The following CHM variants were observed in gnomAD, a reference collection of about 807,000 sequenced individuals.
CHM encodes the protein rab proteins geranylgeranyltransferase component A 1.
In CHM, 10 loss-of-function variants were observed where a neutral mutation model predicts 49.0. That is an observed-to-expected ratio of 0.20 (90% CI 0.13 to 0.35). CHM has a LOEUF of 0.35. Ranked by LOEUF, CHM falls within the 10% of genes least tolerant of loss-of-function variation. The probability of loss-of-function intolerance (pLI) is 1.00; values close to 1 mark genes in which losing one functional copy is unlikely to be tolerated. For missense variants in CHM, 455 were observed against 478.4 expected (o/e 0.95, Z 0.46); for synonymous variants, 184 against 167.5 (o/e 1.10, Z -0.76).
intron 8 of CHM, among the ~76,000 whole-genome samples, chrX:85,927,091 G>A (rs1331130234): frequency 9.0e-6 from 1 of 111,671 alleles, no homozygotes; most frequent in Non-Finnish European, 1.9e-5. Context: ...TTCCTCACTT[G>A]TAAGCATGGT....
chrX:85,940,008 T>A (rs1009371964), intron 8 of CHM, among the ~76,000 whole-genome samples: 1 of 111,213 alleles, frequency 9.0e-6, no homozygotes, highest in South Asian at 3.8e-4. Context: ...TATGAAGGAG[T>A]TTTAACTGTC....
At chrX:86,032,033 C>T (rs1934065467) in intron 1 of CHM, among the ~76,000 whole-genome samples, 1 of 111,847 alleles carries the variant, frequency 8.9e-6, no homozygotes, top group African/African-American at 3.2e-5. Flanking sequence ...TATTTCTAAG[C>T]TCAATTTTAA....
chrX:85,899,679 C>CT (rs1569404779), intron 11 of CHM, among the ~76,000 whole-genome samples: 1 of 56,254 alleles, frequency 1.8e-5, no homozygotes, highest in Non-Finnish European at 3.0e-5. Flanking sequence ...GCTCTAAACC[C>CT]ACCCCCCGCC....
chrX:85,923,380 T>C (rs913438538), intron 8 of CHM, among the ~76,000 whole-genome samples: 14 of 111,538 alleles, frequency 1.3e-4, no homozygotes, highest in African/African-American at 4.2e-4. Flanking sequence ...CAATGTGGGG[T>C]TTGTAGGCTA....
At chrX:85,890,430 T>C (rs1342681812) in intron 12 of CHM, among the ~76,000 whole-genome samples, 1 of 111,911 alleles carries the variant, frequency 8.9e-6, no homozygotes, top group Admixed American at 9.4e-5. Context: ...ACTTGAATTG[T>C]ATCTCCCAGA....
intron 11 of CHM, among the ~76,000 whole-genome samples, chrX:85,894,736 A>G (rs1925708406): frequency 8.9e-6 from 1 of 111,881 alleles, no homozygotes; most frequent in African/African-American, 3.2e-5. Context: ...GGTTTCAAGC[A>G]TTTCAGATAA....
chrX:85,965,246 A>G (rs747111946), intron 4 of CHM, among the ~76,000 whole-genome samples: 75 of 112,201 alleles, frequency 6.7e-4, no homozygotes, highest in African/African-American at 2.3e-3. Flanking sequence ...ATAATCACAT[A>G]CTTTAGCAAA....
At chrX:86,002,956 T>G (rs1932774340) in intron 2 of CHM, among the ~76,000 whole-genome samples, 1 of 112,236 alleles carries the variant, frequency 8.9e-6, no homozygotes, top group South Asian at 3.7e-4. Context: ...GACCCCCGTG[T>G]AGCCTAACTG....
intron 2 of CHM, among the ~76,000 whole-genome samples, chrX:85,998,672 T>C (rs1287632468): frequency 9.0e-6 from 1 of 111,569 alleles, no homozygotes; most frequent in African/African-American, 3.3e-5. Flanking sequence ...CTGGAAGCTG[T>C]GACTGGCTGT....
chrX:86,001,886 A>G (rs1055561876), intron 2 of CHM, among the ~76,000 whole-genome samples: 5 of 111,173 alleles, frequency 4.5e-5, no homozygotes, highest in Non-Finnish European at 9.4e-5. Context: ...CAACAAGTAC[A>G]TCTTCTGTAA....
chrX:85,911,506 T>C (rs1304186983), intron 8 of CHM, among the ~76,000 whole-genome samples, 168 bp from the exon 9 acceptor site: 2 of 108,188 alleles, frequency 1.8e-5, no homozygotes, highest in African/African-American at 3.4e-5. Context: ...GAGGCAAGAT[T>C]AGTAATATCT....
chrX:85,978,595 T>C (rs1469785319), intron 4 of CHM, 172 bp downstream of exon 4: 4 of 378,969 alleles, frequency 1.1e-5, no homozygotes, highest in South Asian at 6.9e-5. Context: ...TAAAATGTTA[T>C]CATTATTACC....
chrX:85,870,975 A>T (rs1924018564), intron 14 of CHM, among the ~76,000 whole-genome samples: 1 of 110,951 alleles, frequency 9.0e-6, no homozygotes, highest in Non-Finnish European at 1.9e-5. Context: ...AAAGATGTAA[A>T]CCTGCCAACT....
intron 4 of CHM, chrX:85,970,593 T>G (rs1436664206): frequency 4.3e-6 from 1 of 230,400 alleles, no homozygotes; most frequent in Admixed American, 9.3e-5. Context: ...TGTTTGTCAG[T>G]AAGATGTACC....
intron 2 of CHM, among the ~76,000 whole-genome samples, chrX:85,998,911 ATGCTTGTAATATATAGATATATACGT>A (rs1320336343): frequency 9.0e-6 from 1 of 111,705 alleles, no homozygotes; most frequent in Non-Finnish European, 1.9e-5. Flanking sequence ...GTATGCATAT[ATGCTTGTAATATATAGATATATACGT>A]TGCTTGAATT....
chrX:86,033,085 C>T (rs962580736), intron 1 of CHM, among the ~76,000 whole-genome samples: 2 of 111,170 alleles, frequency 1.8e-5, no homozygotes, highest in African/African-American at 3.3e-5. Context: ...TTTCAAAATC[C>T]CCCTTTAATC....
At chrX:85,971,566 G>A in intron 4 of CHM, 1 of 299,308 alleles carries the variant, frequency 3.3e-6, no homozygotes. Flanking sequence ...GAGTGTTACA[G>A]CTCATAAAAG....
intron 4 of CHM, among the ~76,000 whole-genome samples, chrX:85,964,621 C>A (rs1481724914): frequency 9.0e-6 from 1 of 111,645 alleles, no homozygotes; most frequent in African/African-American, 3.3e-5. Context: ...CTTGGTGATA[C>A]GACAGAAGAC....
At chrX:85,880,876 C>T (rs751315897) in intron 12 of CHM, among the ~76,000 whole-genome samples, 5 of 111,449 alleles carry the variant, frequency 4.5e-5, no homozygotes, top group Non-Finnish European at 7.6e-5. Flanking sequence ...TTCCCCTTAC[C>T]GTTCCTGCTT....
Sources: allele counts gnomAD v4.1 joint callset (sites outside exome capture counted in the v4.1 genomes callset), GRCh38; gene constraint gnomAD v4.1.1; transcripts MANE v1.5; gene names NCBI Gene and HGNC (gene_info 2026-07-23, HGNC 2026-07-21).